The following PIK3AP1 variants were observed in gnomAD, a reference collection of about 807,000 sequenced individuals.
PIK3AP1 encodes the protein phosphoinositide-3-kinase adaptor protein 1, also known as phosphoinositide 3-kinase adapter protein 1.
A neutral mutation model predicts 88.1 loss-of-function variants in PIK3AP1; 21 were observed. The observed-to-expected ratio is 0.24, with a 90% confidence interval of 0.17 to 0.34. PIK3AP1 has a LOEUF of 0.34. Ranked by LOEUF, PIK3AP1 falls within the 10% of genes least tolerant of loss-of-function variation. The pLI, the probability that PIK3AP1 is intolerant of heterozygous loss-of-function variation, is 1.00. For synonymous variants in PIK3AP1, 398 were observed against 400.0 expected, an observed-to-expected ratio of 1.00 and a Z score of 0.06; for missense variants, 828 against 1,035.7, an observed-to-expected ratio of 0.80 and a Z score of 2.75.
intron 6 of PIK3AP1, 32 bp downstream of exon 6, chr10:96,651,216 G>A (rs376538197): frequency 1.5e-5 from 25 of 1,613,788 alleles, no homozygotes; most frequent in South Asian, 8.8e-5. Context: ...ATCAGCCCAC[G>A]TTGGTTTCCT....
chr10:96,610,955 A>T (rs2060559), intron 13 of PIK3AP1, among the ~76,000 whole-genome samples: 144,811 of 152,220 alleles, frequency 0.95, 68,952 homozygotes, highest in East Asian at 1. Flanking sequence ...TTTGGGGACG[A>T]GTGCTTTTAT....
chr10:96,622,566 C>G (rs1843099662), intron 11 of PIK3AP1, among the ~76,000 whole-genome samples: 1 of 152,190 alleles, frequency 6.6e-6, no homozygotes, highest in South Asian at 2.1e-4. Flanking sequence ...CCGCACACAC[C>G]CACACATCCT....
Position 96,660,949 on chromosome 10 carries a change from C to A in PIK3AP1, c.431-4015G>T, listed in dbSNP as rs113779181. Among the ~76,000 whole-genome samples, 617 of 152,244 alleles carry A rather than the reference C, an allele frequency of 4.1e-3. 7 individuals are homozygous for A. The highest frequency in any genetic ancestry group is 0.014 in the African/African-American group (600 of 41,534). ...CCTGTAATCCCAGCACTTTGGGAGG[C>A]CAAGGTAGTTGGATCACCTGAGGTC... On this transcript the variant is annotated intron_variant, in intron 2 of 16. Transcript: ENST00000339364.
intron 16 of PIK3AP1, among the ~76,000 whole-genome samples, chr10:96,596,434 C>A (rs1015737128): frequency 5.3e-5 from 8 of 152,160 alleles, no homozygotes; most frequent in Admixed American, 3.9e-4. Context: ...AACAAACTAT[C>A]TTTTCAGTGG....
intron 14 of PIK3AP1, among the ~76,000 whole-genome samples, chr10:96,608,577 C>T (rs978441658): frequency 1.6e-4 from 25 of 152,340 alleles, no homozygotes; most frequent in African/African-American, 6.0e-4. Flanking sequence ...CTCTCTCTTT[C>T]CGGGTCACAA....
At chr10:96,648,063 TAGAA>T (rs1361567135) in intron 7 of PIK3AP1, among the ~76,000 whole-genome samples, 1 of 152,138 alleles carries the variant, frequency 6.6e-6, no homozygotes, top group Non-Finnish European at 1.5e-5. Context: ...GGCAGGGGGT[TAGAA>T]AGAGAGAGCG....
At chr10:96,630,946 T>G (rs2134212547) in intron 8 of PIK3AP1, among the ~76,000 whole-genome samples, 1 of 152,294 alleles carries the variant, frequency 6.6e-6, no homozygotes, top group South Asian at 2.1e-4. Context: ...CTGCCTTCCT[T>G]CTTCCCAATT....
At chr10:96,687,644 C>T (rs1329817239) in intron 2 of PIK3AP1, among the ~76,000 whole-genome samples, 1 of 152,208 alleles carries the variant, frequency 6.6e-6, no homozygotes, top group Non-Finnish European at 1.5e-5. Flanking sequence ...GAATTTCCCT[C>T]CTAAATCTCG....
At chr10:96,627,656 C>A (rs60118579) in intron 9 of PIK3AP1, among the ~76,000 whole-genome samples, 1 of 152,106 alleles carries the variant, frequency 6.6e-6, no homozygotes, top group Non-Finnish European at 1.5e-5. Flanking sequence ...ATCAACAGAC[C>A]CCACCATACA....
Position 96,648,684 on chromosome 10 carries a change from A to G in PIK3AP1, c.1160T>C (p.Leu387Pro). 6.2e-7 allele frequency: 1 copy of G among 1,608,818 alleles called. No individual in the cohort carries two copies. Among genetic ancestry groups the G allele is most frequent in the South Asian group, 1.1e-5 (1 of 89,888 alleles). ...CACATACTCGTCGATGAACTGCCGC[A>G]GGTCCCTGAAGCCGTGTTTCTCAGC... ...TIAEKHGFRDLRQFIDEYVET... is the reference protein window; with the variant it reads ...TIAEKHGFRDPRQFIDEYVET... The change falls in exon 7 of 17, where the codon CTG becomes CCG. Residue 387 changes from leucine (L) to proline (P), a missense_variant. By Grantham distance (98) the Leu-to-Pro change is moderately conservative. This residue lies in a region of PIK3AP1 where 610 missense variants were observed against 760.1 expected (regional missense o/e 0.80). Coordinates refer to ENST00000339364, the MANE Select transcript of PIK3AP1 (RefSeq NM_152309.3).
chr10:96,692,464 C>T (rs1050487905), intron 2 of PIK3AP1, among the ~76,000 whole-genome samples: 4 of 151,976 alleles, frequency 2.6e-5, no homozygotes, highest in Admixed American at 6.6e-5. Flanking sequence ...ATCCCAGCTA[C>T]TTGGGAGGCT....
At chr10:96,695,946 T>C (rs1246782082) in intron 2 of PIK3AP1, among the ~76,000 whole-genome samples, 2 of 152,256 alleles carry the variant, frequency 1.3e-5, no homozygotes, top group Non-Finnish European at 2.9e-5. Flanking sequence ...CTGTTTGAAC[T>C]TGAAGAGTAA....
At chr10:96,606,203 T>C (rs1163726921) in intron 14 of PIK3AP1, among the ~76,000 whole-genome samples, 1 of 152,178 alleles carries the variant, frequency 6.6e-6, no homozygotes, top group Non-Finnish European at 1.5e-5. Context: ...AGCCCACTCC[T>C]GTCCACAAGT....
At position 96,711,739 on chromosome 10, in the gene PIK3AP1, A is replaced by ATTTTTTTTTTTTTTTTT. The variant is rs763923650; in HGVS notation, c.14-1773_14-1757dup. ...ATTTCCCCCAGGATGAGATTACCAA[A>ATTTTTTTTTTTTTTTTT]TTTTTTTTTTTTTTTTTTTTTTTTT... On this transcript the variant is annotated intron_variant, in intron 1 of 16. Coordinates refer to ENST00000339364, the MANE Select transcript of PIK3AP1 (RefSeq NM_152309.3). Among the ~76,000 whole-genome samples, 69 of 66,448 alleles carry ATTTTTTTTTTTTTTTTT rather than the reference A, an allele frequency of 1.0e-3. 10 individuals carry two copies. Among genetic ancestry groups the ATTTTTTTTTTTTTTTTT allele is most frequent in the African/African-American group, 4.3e-3 (61 of 14,258 alleles). The allele number at this position is 66,448 out of a possible 152,430, so 43.6% of individuals were successfully genotyped here.
chr10:96,613,214 C>T (rs1028254798), intron 13 of PIK3AP1, among the ~76,000 whole-genome samples: 2 of 151,582 alleles, frequency 1.3e-5, no homozygotes, highest in African/African-American at 2.4e-5. Context: ...GGCCAGGCTG[C>T]TCTCGAACTC....
intron 13 of PIK3AP1, among the ~76,000 whole-genome samples, chr10:96,613,784 TG>T (rs1313474583): frequency 6.6e-6 from 1 of 152,186 alleles, no homozygotes; most frequent in Non-Finnish European, 1.5e-5. Flanking sequence ...TCAGCTGGTG[TG>T]TGGGCCTCTG....
intron 2 of PIK3AP1, among the ~76,000 whole-genome samples, chr10:96,702,794 T>G (rs145593589): frequency 1.3e-5 from 2 of 152,302 alleles, no homozygotes; most frequent in African/African-American, 4.8e-5. Context: ...AACTAGAAAA[T>G]ATTAATTAAT....
chr10:96,640,357 T>G (rs1326986001), intron 8 of PIK3AP1, among the ~76,000 whole-genome samples: 2 of 38,576 alleles, frequency 5.2e-5, no homozygotes, highest in Non-Finnish European at 7.9e-5. Context: ...GACAAGGGCC[T>G]CCCAGAACTG....
At chr10:96,629,930 A>AAAAAAAAAAAAAAAAAAAAAAGAAG (rs776780994) in intron 8 of PIK3AP1, among the ~76,000 whole-genome samples, 3 of 13,724 alleles carry the variant, frequency 2.2e-4, no homozygotes, top group Non-Finnish European at 3.3e-4. Context: ...AAAAAAAAAA[A>AAAAAAAAAAAAAAAAAAAAAAGAAG]AAGAAGAAGA....
Sources: allele counts gnomAD v4.1 joint callset (sites outside exome capture counted in the v4.1 genomes callset), GRCh38; gene constraint gnomAD v4.1.1; regional missense constraint gnomAD v4.1.1; transcripts MANE v1.5; gene names NCBI Gene and HGNC (gene_info 2026-07-23, HGNC 2026-07-21).